MCCC2: variants seen among roughly 807,000 people sequenced by gnomAD.
The protein encoded by MCCC2 is methylcrotonoyl-CoA carboxylase beta chain, mitochondrial.
A neutral mutation model predicts 77.2 loss-of-function variants in MCCC2; 52 were observed. That is an observed-to-expected ratio of 0.67 (90% CI 0.54 to 0.85). The LOEUF (loss-of-function observed/expected upper bound fraction) is 0.85. Among genes scored for constraint, MCCC2 ranks in the 40% least tolerant of loss-of-function variants. MCCC2 has a pLI of 0.00. For missense variants in MCCC2, 682 were observed against 703.2 expected (o/e 0.97, Z 0.34); for synonymous variants, 253 against 248.4 (o/e 1.02, Z -0.18).
intron 10 of MCCC2, among the ~76,000 whole-genome samples, chr5:71,639,882 CTT>C (rs1747063203): frequency 6.6e-6 from 1 of 152,116 alleles, no homozygotes; most frequent in Non-Finnish European, 1.5e-5. Context: ...TCAGAGTAAA[CTT>C]TTACTTGATG....
intron 6 of MCCC2, among the ~76,000 whole-genome samples, chr5:71,612,518 G>A (rs1215362023): frequency 6.6e-6 from 1 of 152,036 alleles, no homozygotes; most frequent in Non-Finnish European, 1.5e-5. Context: ...CATTTAATCT[G>A]GTATTATATT....
intron 6 of MCCC2, among the ~76,000 whole-genome samples, chr5:71,612,849 T>C (rs1338297285): frequency 6.6e-6 from 1 of 152,236 alleles, no homozygotes; most frequent in African/African-American, 2.4e-5. Context: ...TGTGGGTAGC[T>C]GGGATTATAG....
At chr5:71,655,099 A>T (rs900176963) in intron 16 of MCCC2, among the ~76,000 whole-genome samples, 1 of 152,066 alleles carries the variant, frequency 6.6e-6, no homozygotes, top group Non-Finnish European at 1.5e-5. Flanking sequence ...TTCCCAAAGT[A>T]CTGGGATTAC....
intron 6 of MCCC2, among the ~76,000 whole-genome samples, chr5:71,609,958 C>T (rs1283931128): frequency 2.0e-5 from 3 of 152,094 alleles, no homozygotes; most frequent in East Asian, 1.9e-4. Flanking sequence ...GGGAGAACCA[C>T]TGCTCTCTTC....
chr5:71,644,661 A>G (rs1454999990), intron 12 of MCCC2, among the ~76,000 whole-genome samples: 1 of 152,128 alleles, frequency 6.6e-6, no homozygotes, highest in East Asian at 1.9e-4. Context: ...TCAGGAAATA[A>G]AATGTTTCCT....
rs563350796 is a variant in MCCC2, at chr5:71,621,639, A to G, written c.625-5001A>G. Among the ~76,000 whole-genome samples, 132 of 152,318 alleles carry G rather than the reference A, an allele frequency of 8.7e-4. 3 individuals are homozygous for G. In the South Asian group the frequency reaches 0.017, roughly 20 times the overall value. ...ATTGAGTGACAGTGACTAATCATTA[A>G]TTAGTGAGCTCTTTTATCTCTGTTT... On this transcript the variant is annotated intron_variant, in intron 6 of 16. Coordinates refer to ENST00000340941, the MANE Select transcript of MCCC2 (RefSeq NM_022132.5).
At chr5:71,623,025 A>G (rs1746406591) in intron 6 of MCCC2, among the ~76,000 whole-genome samples, 2 of 152,142 alleles carry the variant, frequency 1.3e-5, no homozygotes, top group African/African-American at 4.8e-5. Flanking sequence ...TGAAAAAAGA[A>G]AAAAAAAGTT....
chr5:71,647,957 G>C (rs1319954798), intron 13 of MCCC2, among the ~76,000 whole-genome samples: 3 of 152,076 alleles, frequency 2.0e-5, no homozygotes, highest in African/African-American at 7.2e-5. Flanking sequence ...GGGTTGGGTG[G>C]GGTGAGAACT....
intron 10 of MCCC2, among the ~76,000 whole-genome samples, chr5:71,639,065 C>T (rs960483293): frequency 4.6e-5 from 7 of 152,180 alleles, no homozygotes; most frequent in Non-Finnish European, 5.9e-5. Context: ...GCCACAAATA[C>T]GTATGCTGTC....
intron 11 of MCCC2, among the ~76,000 whole-genome samples, chr5:71,642,519 C>G (rs573901502): frequency 3.9e-5 from 6 of 152,162 alleles, no homozygotes; most frequent in Non-Finnish European, 8.8e-5. Context: ...GGACATGTTC[C>G]CTACTCAGCG....
intron 6 of MCCC2, among the ~76,000 whole-genome samples, chr5:71,625,497 C>T (rs922580634): frequency 1.3e-5 from 2 of 152,088 alleles, no homozygotes; most frequent in Non-Finnish European, 2.9e-5. Flanking sequence ...TTTATGTGTT[C>T]AAAATATATT....
chr5:71,650,251 G>A, intron 15 of MCCC2, 68 bp downstream of exon 15: 3 of 1,372,726 alleles, frequency 2.2e-6, no homozygotes, highest in East Asian at 2.3e-5. Flanking sequence ...GAGCCAAGGA[G>A]CAGCGTGCCT....
At chr5:71,604,012 A>G (rs568020618) in intron 5 of MCCC2, among the ~76,000 whole-genome samples, 4 of 152,314 alleles carry the variant, frequency 2.6e-5, no homozygotes, top group African/African-American at 9.6e-5. Context: ...AATTCTGTGG[A>G]TGGCTTTTGT....
rs4062875 is a variant in MCCC2, at chr5:71,596,200, GATTAAGT to G, written c.197-75_197-69del. The G allele has an allele frequency of 0.34, 426,554 of 1,236,624 alleles. 77,807 individuals carry two copies. The highest frequency in any genetic ancestry group is 0.56 in the Admixed American group (33,365 of 59,152). The allele number at this position is 1,236,624 out of a possible 1,614,324, so 76.6% of individuals were successfully genotyped here. On this transcript the variant is annotated intron_variant, in intron 2 of 16. Transcript: ENST00000340941. ...AACTTTTAAAAAGTGCTATATTTTG[GATTAAGT>G]ATTATGTTTTTCTGGCATTGAGACC...
chr5:71,648,954 G>A, intron 13 of MCCC2, 143 bp from the exon 14 acceptor site: 2 of 962,400 alleles, frequency 2.1e-6, no homozygotes, highest in Non-Finnish European at 3.3e-6. Context: ...CTTTTTAACG[G>A]TATGTTTCAC....
intron 7 of MCCC2, among the ~76,000 whole-genome samples, chr5:71,627,230 T>G (rs1340533172): frequency 1.3e-5 from 2 of 152,254 alleles, no homozygotes; most frequent in Non-Finnish European, 2.9e-5. Context: ...ATTTTGTTTA[T>G]TCATTCATCC....
rs1318924419 is a variant in MCCC2, at chr5:71,594,515, GA to G, written c.196+1526del. On this transcript the variant is annotated intron_variant, in intron 2 of 16. Coordinates refer to ENST00000340941, the MANE Select transcript of MCCC2 (RefSeq NM_022132.5). ...TGCACTCTAGCCTGGGTAACAGAGC[GA>G]AATTCCGTCTCAAAAAAAAAAAAAA... 9.1e-5 allele frequency among the ~76,000 whole-genome samples: 11 copies of G among 120,306 alleles called. No homozygotes were observed. The Admixed American group carries it at 9.2e-4, about 10-fold the overall frequency. 78.9% of individuals were successfully genotyped at this position (120,306 alleles called of 152,430 possible). A position where few individuals can be genotyped will look rare whatever the true frequency, so the allele number is the denominator to read the frequency against.
intron 1 of MCCC2, among the ~76,000 whole-genome samples, chr5:71,588,354 A>C (rs1026319053): frequency 6.6e-6 from 1 of 152,256 alleles, no homozygotes; most frequent in African/African-American, 2.4e-5. Context: ...ATTAGGAGGC[A>C]TCATAAGGCC....
At chr5:71,592,657 A>G (rs992300737) in intron 1 of MCCC2, among the ~76,000 whole-genome samples, 1 of 152,182 alleles carries the variant, frequency 6.6e-6, no homozygotes, top group Non-Finnish European at 1.5e-5. Flanking sequence ...AAGATGAGAT[A>G]AAACATGAAT....
Sources: allele counts gnomAD v4.1 joint callset (sites outside exome capture counted in the v4.1 genomes callset), GRCh38; gene constraint gnomAD v4.1.1; transcripts MANE v1.5; gene names NCBI Gene and HGNC (gene_info 2026-07-23, HGNC 2026-07-21).